Variants in TCERG1L observed in about 807,000 individuals in gnomAD.
TCERG1L encodes the protein transcription elongation regulator 1-like protein.
In TCERG1L, 37 loss-of-function variants were observed where a neutral mutation model predicts 56.3. The ratio of observed to expected loss-of-function variants is 0.66; its 90% CI spans 0.51 to 0.87. The LOEUF is 0.87. Ranked by LOEUF, TCERG1L falls within the 40% of genes least tolerant of loss-of-function variation. TCERG1L has a pLI of 0.00. For synonymous variants in TCERG1L, 324 were observed against 326.3 expected (o/e 0.99, Z 0.08); for missense variants, 799 against 774.2 (o/e 1.03, Z -0.38).
At chr10:131,285,510 AAG>A (rs1466893468) in intron 3 of TCERG1L, among the ~76,000 whole-genome samples, 2,858 of 29,334 alleles carry the variant, frequency 0.097, 149 homozygotes, top group African/African-American at 0.12. Context: ...GAAAGAAAGA[AAG>A]AAAGAAAGAA....
chr10:131,232,357 C>G (rs1845861661), intron 4 of TCERG1L, among the ~76,000 whole-genome samples: 1 of 152,242 alleles, frequency 6.6e-6, no homozygotes, highest in Non-Finnish European at 1.5e-5. Context: ...GTGGCACACG[C>G]CGGGGCACTC....
chr10:131,166,990 G>A, intron 4 of TCERG1L, 105 bp from the exon 5 acceptor site: 1 of 932,516 alleles, frequency 1.1e-6, no homozygotes, highest in Admixed American at 2.4e-5. Flanking sequence ...GAATTGGTCA[G>A]TAGACACTGT....
intron 4 of TCERG1L, among the ~76,000 whole-genome samples, chr10:131,194,127 G>A (rs531109264): frequency 4.6e-5 from 7 of 152,358 alleles, no homozygotes; most frequent in African/African-American, 9.6e-5. Context: ...GCTTTGACCC[G>A]TGCCAAAGCA....
intron 4 of TCERG1L, among the ~76,000 whole-genome samples, chr10:131,219,701 C>T (rs965383686): frequency 1.8e-4 from 27 of 152,202 alleles, no homozygotes; most frequent in Admixed American, 5.2e-4. Context: ...CGAAGCTCAC[C>T]GCGGCATCCC....
intron 3 of TCERG1L, among the ~76,000 whole-genome samples, chr10:131,305,113 G>A (rs893074372): frequency 1.3e-5 from 2 of 152,054 alleles, no homozygotes; most frequent in African/African-American, 4.8e-5. Context: ...CCCCCGCTAA[G>A]GTTCTCCTCA....
At chr10:131,156,710 T>C (rs1845927073) in intron 6 of TCERG1L, among the ~76,000 whole-genome samples, 1 of 152,110 alleles carries the variant, frequency 6.6e-6, no homozygotes, top group South Asian at 2.1e-4. Flanking sequence ...AAAATCCCTG[T>C]CCTGTTTTGT....
At chr10:131,114,910 C>T (rs1845440135) in intron 9 of TCERG1L, among the ~76,000 whole-genome samples, 3 of 152,246 alleles carry the variant, frequency 2.0e-5, no homozygotes, top group Admixed American at 2.0e-4. Context: ...ACCAGGCCAG[C>T]CTGGCCAGGC....
intron 4 of TCERG1L, among the ~76,000 whole-genome samples, chr10:131,232,579 G>C (rs953417966): frequency 1.3e-5 from 2 of 152,254 alleles, no homozygotes; most frequent in African/African-American, 4.8e-5. Context: ...TGATGAATCT[G>C]AGAAAAGTTT....
At chr10:131,125,912 A>G (rs1845561239) in intron 8 of TCERG1L, among the ~76,000 whole-genome samples, 1 of 152,162 alleles carries the variant, frequency 6.6e-6, no homozygotes, top group Admixed American at 6.5e-5. Flanking sequence ...GTGCACAGAG[A>G]TGCAGAGATG....
At chr10:131,121,289 G>A (rs1389161915) in intron 8 of TCERG1L, among the ~76,000 whole-genome samples, 1 of 152,160 alleles carries the variant, frequency 6.6e-6, no homozygotes, top group Admixed American at 6.5e-5. Context: ...TGAGGTCAAG[G>A]TGTTTCTGAG....
At chr10:131,246,968 G>A (rs1846046761) in intron 4 of TCERG1L, among the ~76,000 whole-genome samples, 1 of 151,938 alleles carries the variant, frequency 6.6e-6, no homozygotes, top group South Asian at 2.1e-4. Flanking sequence ...GGTGAGATGT[G>A]TAGGGAGGGG....
At chr10:131,100,529 C>T (rs1845294360) in intron 10 of TCERG1L, among the ~76,000 whole-genome samples, 1 of 152,240 alleles carries the variant, frequency 6.6e-6, no homozygotes, top group South Asian at 2.1e-4. Context: ...CAAAGTGGAG[C>T]ATGACTTTTC....
chr10:131,215,796 C>T (rs1845663866), intron 4 of TCERG1L, among the ~76,000 whole-genome samples: 1 of 152,144 alleles, frequency 6.6e-6, no homozygotes, highest in South Asian at 2.1e-4. Context: ...AAGAAGTGTC[C>T]ACAGAGAAGG....
At chr10:131,122,662 T>A (rs527670444) in intron 8 of TCERG1L, among the ~76,000 whole-genome samples, 77 of 152,320 alleles carry the variant, frequency 5.1e-4, no homozygotes, top group African/African-American at 1.8e-3. Flanking sequence ...ACTGTAATCG[T>A]AAGCATATCA....
At chr10:131,246,182 T>C (rs1358514952) in intron 4 of TCERG1L, among the ~76,000 whole-genome samples, 2 of 152,068 alleles carry the variant, frequency 1.3e-5, no homozygotes, top group South Asian at 2.1e-4. Context: ...AGCAGGGAGA[T>C]GGCACCTCGT....
chr10:131,182,950 G>A (rs1487590106), intron 4 of TCERG1L, among the ~76,000 whole-genome samples: 1 of 152,198 alleles, frequency 6.6e-6, no homozygotes, highest in Non-Finnish European at 1.5e-5. Flanking sequence ...ATCCAGGCTT[G>A]GGATTGCTGG....
At chr10:131,105,130 G>A (rs1845340151) in intron 9 of TCERG1L, among the ~76,000 whole-genome samples, 1 of 152,236 alleles carries the variant, frequency 6.6e-6, no homozygotes, top group Non-Finnish European at 1.5e-5. Context: ...GTGCATTGCA[G>A]GACACTCCTC....
chr10:131,264,359 C>A (rs991046107), intron 3 of TCERG1L, among the ~76,000 whole-genome samples: 3 of 152,186 alleles, frequency 2.0e-5, no homozygotes, highest in African/African-American at 7.2e-5. Flanking sequence ...CTGTCGAAGA[C>A]CACCCACCCA....
intron 4 of TCERG1L, among the ~76,000 whole-genome samples, chr10:131,200,101 T>C (rs886221362): frequency 1.3e-5 from 2 of 152,228 alleles, no homozygotes; most frequent in South Asian, 4.1e-4. Context: ...GCTCTGTTCA[T>C]GGCAATGCAG....
Sources: gnomAD v4.1 joint callset for allele counts (sites outside exome capture counted in the v4.1 genomes callset) on GRCh38, gnomAD v4.1.1 for gene constraint, MANE v1.5 for transcripts, NCBI Gene and HGNC (gene_info 2026-07-23, HGNC 2026-07-21) for gene names.